WNT3A: variants seen among roughly 807,000 people sequenced by gnomAD.
WNT3A encodes the protein Wnt family member 3A.
Under a neutral mutation model 37.0 loss-of-function variants are expected in WNT3A, and 17 were observed. That is an observed-to-expected ratio of 0.46 (90% CI 0.31 to 0.69). The LOEUF is 0.69. Among genes scored for constraint, WNT3A ranks in the 30% least tolerant of loss-of-function variants. The probability of loss-of-function intolerance (pLI) is 0.05; values close to 1 mark genes in which losing one functional copy is unlikely to be tolerated. For missense variants in WNT3A, 411 were observed against 510.2 expected (o/e 0.81, Z 1.87); for synonymous variants, 187 against 211.0 (o/e 0.89, Z 0.99).
chr1:228,014,925 G>A (rs1241941948), intron 1 of WNT3A, among the ~76,000 whole-genome samples: 1 of 152,228 alleles, frequency 6.6e-6, no homozygotes, highest in African/African-American at 2.4e-5. Context: ...ATGGGTCTAG[G>A]GACTGGGGCC....
At chr1:228,013,728 A>C (rs1466914007) in intron 1 of WNT3A, among the ~76,000 whole-genome samples, 1 of 152,164 alleles carries the variant, frequency 6.6e-6, no homozygotes, top group Non-Finnish European at 1.5e-5. Context: ...GTGTGAGAAG[A>C]AACCAGAACC....
rs1291550085 is a variant in WNT3A at position 228,031,845 on chromosome 1, G to T, written c.313+8937G>T. Reference sequence around the variant, plus strand: ...ACACTGCAAAAGGCCAAGAGCACCAGACTGGGCCCTGTGCCATGTGCTTGC... The same window carrying T: ...ACACTGCAAAAGGCCAAGAGCACCATACTGGGCCCTGTGCCATGTGCTTGC... On this transcript the variant is annotated intron_variant, in intron 2 of 3. Coordinates refer to ENST00000284523, the MANE Select transcript of WNT3A (RefSeq NM_033131.4). This position sits in a 1 kb window ranked among gnomAD's most constrained non-coding sequence, Gnocchi z 4.8. Among the ~76,000 whole-genome samples the T allele has an allele frequency of 2.6e-5, 4 of 152,180 alleles. No homozygotes were observed. Among genetic ancestry groups the T allele is most frequent in the Non-Finnish European group, 5.9e-5 (4 of 68,032 alleles).
intron 2 of WNT3A, among the ~76,000 whole-genome samples, chr1:228,047,233 C>T (rs911676233): frequency 2.6e-5 from 4 of 152,130 alleles, no homozygotes; most frequent in Non-Finnish European, 5.9e-5. Context: ...GGACAGGGCC[C>T]TAGGGAGGGA....
intron 2 of WNT3A, among the ~76,000 whole-genome samples, chr1:228,033,246 T>C (rs988654796): frequency 6.6e-6 from 1 of 152,208 alleles, no homozygotes; most frequent in South Asian, 2.1e-4. Flanking sequence ...AAGAGACAAT[T>C]GCCTAACCCA....
intron 2 of WNT3A, among the ~76,000 whole-genome samples, chr1:228,030,640 G>T (rs772185618): frequency 5.9e-5 from 9 of 152,110 alleles, no homozygotes; most frequent in Non-Finnish European, 1.0e-4. Context: ...CAGCCCACAC[G>T]GACTGAGACA....
chr1:228,056,930 T>A (rs1200045179), intron 3 of WNT3A, among the ~76,000 whole-genome samples: 1 of 152,190 alleles, frequency 6.6e-6, no homozygotes, highest in Non-Finnish European at 1.5e-5. Context: ...CCAGCAAAAC[T>A]ATCAATTAAA....
At chr1:228,055,203 T>C (rs1278408755) in intron 3 of WNT3A, among the ~76,000 whole-genome samples, 1 of 76,656 alleles carries the variant, frequency 1.3e-5, no homozygotes, top group Non-Finnish European at 2.8e-5. Flanking sequence ...TATATATATA[T>C]ATATATATAT....
At chr1:228,021,215 C>T (rs915235465) in intron 1 of WNT3A, among the ~76,000 whole-genome samples, 3 of 152,160 alleles carry the variant, frequency 2.0e-5, no homozygotes, top group Admixed American at 6.5e-5. Context: ...AGGGTAGCCA[C>T]GGGCCACACG....
intron 2 of WNT3A, among the ~76,000 whole-genome samples, chr1:228,033,353 G>A (rs1245922617): frequency 1.3e-5 from 2 of 152,138 alleles, no homozygotes; most frequent in Non-Finnish European, 2.9e-5. Context: ...TCGACGATGT[G>A]AGGCAGGGAT....
chr1:228,019,681 A>T (rs768611114), intron 1 of WNT3A, among the ~76,000 whole-genome samples: 13 of 152,224 alleles, frequency 8.5e-5, no homozygotes, highest in Non-Finnish European at 1.6e-4. Context: ...CACAGCTCAC[A>T]CTGAAGTCAG....
chr1:228,058,829 T>C (rs1351004859), intron 3 of WNT3A, among the ~76,000 whole-genome samples, 157 bp from the exon 4 acceptor site: 5 of 152,172 alleles, frequency 3.3e-5, no homozygotes, highest in Admixed American at 2.0e-4. Context: ...ATCTGCACCA[T>C]AGGAAGGGGG....
At chr1:228,058,291 C>T (rs1378163378) in intron 3 of WNT3A, among the ~76,000 whole-genome samples, 2 of 152,202 alleles carry the variant, frequency 1.3e-5, no homozygotes, top group East Asian at 1.9e-4. Flanking sequence ...CTCATGGGCT[C>T]CTGTCTGTCC....
rs76564303 is a variant in WNT3A, at chr1:228,031,719, T to A, written c.313+8811T>A. ...CGTGTGCATGTGGCTGTGGCATGCATGTGCATGCCTATGTGTGCATGTGAT... is the reference window on the plus strand; with the variant it reads ...CGTGTGCATGTGGCTGTGGCATGCAAGTGCATGCCTATGTGTGCATGTGAT... On this transcript the variant is annotated intron_variant, in intron 2 of 3. Coordinates refer to ENST00000284523, the MANE Select transcript of WNT3A (RefSeq NM_033131.4). This position sits in a 1 kb window ranked among gnomAD's most constrained non-coding sequence, Gnocchi z 4.8. Among the ~76,000 whole-genome samples the A allele has an allele frequency of 6.6e-6, 1 of 152,146 alleles. No homozygotes were observed. The highest frequency in any genetic ancestry group is 1.5e-5 in the Non-Finnish European group (1 of 68,020).
intron 2 of WNT3A, among the ~76,000 whole-genome samples, chr1:228,048,275 C>T (rs1488826047): frequency 6.6e-6 from 1 of 152,204 alleles, no homozygotes; most frequent in Non-Finnish European, 1.5e-5. Flanking sequence ...GAGAGAAGGT[C>T]AGAGCCAAGG....
At chr1:228,040,489 C>T (rs2031252034) in intron 2 of WNT3A, among the ~76,000 whole-genome samples, 1 of 152,168 alleles carries the variant, frequency 6.6e-6, no homozygotes, top group Non-Finnish European at 1.5e-5. Context: ...ACTTAAAAGA[C>T]AGTCACTGCG....
At chr1:228,029,985 A>C (rs542119898) in intron 2 of WNT3A, among the ~76,000 whole-genome samples, 14 of 152,300 alleles carry the variant, frequency 9.2e-5, no homozygotes, top group African/African-American at 3.4e-4. Context: ...TTGTAGTCCT[A>C]GCTACTCAGG....
chr1:228,017,439 G>A (rs1439045045), intron 1 of WNT3A, among the ~76,000 whole-genome samples: 1 of 152,188 alleles, frequency 6.6e-6, no homozygotes, highest in African/African-American at 2.4e-5. Flanking sequence ...GTGGCCAGGC[G>A]CGGTGGCTCA....
intron 2 of WNT3A, among the ~76,000 whole-genome samples, chr1:228,041,556 A>G (rs2031286710): frequency 6.6e-6 from 1 of 150,778 alleles, no homozygotes; most frequent in African/African-American, 2.5e-5. Context: ...TCCATCCACC[A>G]TCCATCAATT....
In WNT3A at chr1:228,026,865, T is replaced by C. The variant is rs538388517; in HGVS notation, c.313+3957T>C. ...TTTTCTTTATTTTATTTTATTGAGA[T>C]AGGGTCTCACTCTGTCATCCAGCCT... On this transcript the variant is annotated intron_variant, in intron 2 of 3. Coordinates refer to ENST00000284523, the MANE Select transcript of WNT3A (RefSeq NM_033131.4). Among the ~76,000 whole-genome samples, 3 of 152,026 alleles carry C rather than the reference T, an allele frequency of 2.0e-5. No individual in the cohort carries two copies. In the East Asian group the frequency reaches 5.8e-4, roughly 29 times the overall value.
Sources: gnomAD v4.1 joint callset for allele counts (sites outside exome capture counted in the v4.1 genomes callset) on GRCh38, gnomAD v4.1.1 for gene constraint, Gnocchi (gnomAD v3.1) non-coding constraint, MANE v1.5 for transcripts, NCBI Gene and HGNC (gene_info 2026-07-23, HGNC 2026-07-21) for gene names.